The following KAT8 variants were observed in gnomAD, a reference collection of about 807,000 sequenced individuals.
KAT8 encodes the protein lysine acetyltransferase 8.
KAT8 carries 40 observed loss-of-function variants against 62.9 expected under a neutral mutation model. That is an observed-to-expected ratio of 0.64 (90% CI 0.49 to 0.83). KAT8 has a LOEUF of 0.83. Among genes scored for constraint, KAT8 ranks in the 40% least tolerant of loss-of-function variants. The pLI, the probability that KAT8 is intolerant of heterozygous loss-of-function variation, is 0.00. For synonymous variants in KAT8, 278 were observed against 254.5 expected (o/e 1.09, Z -0.88); for missense variants, 387 against 614.8 (o/e 0.63, Z 3.92).
At chr16:31,124,005 C>T (rs2057517107) in intron 3 of KAT8, 1 of 152,224 alleles carries the variant, frequency 6.6e-6, no homozygotes, top group African/African-American at 2.4e-5. Flanking sequence ...TAACAATCAG[C>T]AAGGTTCTTC....
chr16:31,121,778 C>T (rs1016664962), intron 3 of KAT8, among the ~76,000 whole-genome samples: 1 of 150,986 alleles, frequency 6.6e-6, no homozygotes, highest in African/African-American at 2.4e-5. Flanking sequence ...TTTGAGACAG[C>T]GTCTTACTCT....
intron 6 of KAT8, among the ~76,000 whole-genome samples, chr16:31,128,908 T>C (rs1346144654): frequency 6.6e-6 from 1 of 152,212 alleles, no homozygotes; most frequent in African/African-American, 2.4e-5. Flanking sequence ...GTAGAGAACT[T>C]GGCCTTTGCC....
At chr16:31,118,488 C>G (rs2057467839) in intron 1 of KAT8, 2 of 152,344 alleles carry the variant, frequency 1.3e-5, no homozygotes, top group East Asian at 1.9e-4. Flanking sequence ...CTTTTTCTTC[C>G]CTTTCTCCTT....
Position 31,130,251 on chromosome 16 carries a change from C to T in KAT8, c.913-16C>T, listed in dbSNP as rs1467541759. On this transcript the variant is annotated splice_polypyrimidine_tract_variant and intron_variant, in intron 7 of 10. Transcript: ENST00000219797. ...GCAGAGCCTCCCCAGCGGCCCTGAGCACCTGCCTCCTGCAGGAGAAGGAGT... is the reference window on the plus strand; with the variant it reads ...GCAGAGCCTCCCCAGCGGCCCTGAGTACCTGCCTCCTGCAGGAGAAGGAGT... 6.2e-7 allele frequency: 1 copy of T among 1,613,828 alleles called. No homozygotes were observed. The highest frequency in any genetic ancestry group is 1.3e-5 in the African/African-American group (1 of 74,930).
At chr16:31,124,664 C>T (rs1056095802) in intron 3 of KAT8, among the ~76,000 whole-genome samples, 3 of 142,396 alleles carry the variant, frequency 2.1e-5, no homozygotes, top group African/African-American at 7.9e-5. Context: ...ACCCAGGAGG[C>T]GAGGTTGCAG....
intron 5 of KAT8, 42 bp downstream of exon 5, chr16:31,127,395 TGA>T: frequency 6.2e-7 from 1 of 1,606,618 alleles, no homozygotes; most frequent in Non-Finnish European, 8.5e-7. Flanking sequence ...AGGGGCCCGG[TGA>T]GAGGCAGAGG....
rs762744136 is a variant in KAT8, at chr16:31,127,115, A to G, written c.516+27A>G. ...TAAGTGGGGCTGGGAAGCTGCCTGCAGGTCCCCCGTCTCCCCTTGCCGAGG... is the reference window on the plus strand; with the variant it reads ...TAAGTGGGGCTGGGAAGCTGCCTGCGGGTCCCCCGTCTCCCCTTGCCGAGG... On this transcript the variant is annotated intron_variant, in intron 4 of 10. Transcript: ENST00000219797. 3.7e-6 allele frequency: 6 copies of G among 1,614,028 alleles called. No individual in the cohort carries two copies. The South Asian group carries it at 6.6e-5, about 18-fold the overall frequency.
At chr16:31,122,082 G>A (rs750622890) in intron 3 of KAT8, among the ~76,000 whole-genome samples, 1 of 152,176 alleles carries the variant, frequency 6.6e-6, no homozygotes, top group Non-Finnish European at 1.5e-5. Flanking sequence ...TAAAAATCAG[G>A]AGTGCACACC....
chr16:31,123,331 C>T (rs1192389053), intron 3 of KAT8, among the ~76,000 whole-genome samples: 1 of 152,058 alleles, frequency 6.6e-6, no homozygotes, highest in South Asian at 2.1e-4. Context: ...AGTTTCCTGC[C>T]GCAGCCTCCC....
intron 1 of KAT8, chr16:31,118,677 A>C (rs1182113952): frequency 6.6e-6 from 1 of 151,808 alleles, no homozygotes; most frequent in African/African-American, 2.4e-5. Flanking sequence ...GTCTTCCTCC[A>C]TCATACTGGG....
In KAT8 at chr16:31,122,759, T is replaced by C. The variant is rs547115745; in HGVS notation, c.462+2245T>C. ...AGCCGGGCGTGGTGGCGTGCACCTGTAGTCCCAGCTACTCGGGAGGCTGAG... is the reference window on the plus strand; with the variant it reads ...AGCCGGGCGTGGTGGCGTGCACCTGCAGTCCCAGCTACTCGGGAGGCTGAG... On this transcript the variant is annotated intron_variant, in intron 3 of 10. Transcript: ENST00000219797. Among the ~76,000 whole-genome samples, 124 of 151,852 alleles carry C rather than the reference T, an allele frequency of 8.2e-4. 1 individual carries two copies. The highest frequency in any genetic ancestry group is 3.3e-3 in the Admixed American group (50 of 15,216).
chr16:31,129,529 C>G (rs2057556779), intron 6 of KAT8, among the ~76,000 whole-genome samples: 1 of 152,142 alleles, frequency 6.6e-6, no homozygotes, highest in Non-Finnish European at 1.5e-5. Flanking sequence ...TGCCGTGAAG[C>G]CAAACTCGGT....
intron 3 of KAT8, among the ~76,000 whole-genome samples, chr16:31,123,147 C>T (rs775029298): frequency 8.5e-5 from 13 of 152,122 alleles, no homozygotes; most frequent in Non-Finnish European, 1.8e-4. Context: ...CATGCCACTG[C>T]ACTCCATCCA....
At chr16:31,124,266 C>T (rs180999850) in intron 3 of KAT8, among the ~76,000 whole-genome samples, 235 of 152,342 alleles carry the variant, frequency 1.5e-3, no homozygotes, top group Non-Finnish European at 1.9e-3. Flanking sequence ...CAAGTGACCT[C>T]ACCTCTTTGT....
intron 1 of KAT8, chr16:31,118,266 A>C (rs146343191): frequency 1.0e-3 from 197 of 189,530 alleles, no homozygotes; most frequent in Non-Finnish European, 1.9e-3. Context: ...CCGCAGAGAG[A>C]AGACCTTCCA....
rs1161031429 is a variant in KAT8 at position 31,117,708 on chromosome 16, G to C, written c.27G>C (p.Ala9=). Residue 9 remains alanine, a synonymous_variant, in exon 1 of 11, where the codon GCG becomes GCC. Coordinates refer to ENST00000219797, the MANE Select transcript of KAT8 (RefSeq NM_032188.3). MAAQGAAA[A]VAAGTSGVAG... is the part of the protein sequence containing the mutation. Reference sequence around the variant, plus strand: ...TGGCGGCACAGGGAGCTGCTGCGGCGGTTGCGGCGGGGACTTCAGGGGTCG... The same window carrying C: ...TGGCGGCACAGGGAGCTGCTGCGGCCGTTGCGGCGGGGACTTCAGGGGTCG... 7.2e-7 allele frequency: 1 copy of C among 1,397,416 alleles called. No individual in the cohort carries two copies. Among genetic ancestry groups the C allele is most frequent in the Non-Finnish European group, 9.3e-7 (1 of 1,070,594 alleles). 86.6% of individuals were successfully genotyped at this position (1,397,416 alleles called of 1,614,324 possible).
In KAT8 at chr16:31,130,749, G is replaced by C; in HGVS notation, c.1161G>C (p.Gln387His). 4.3e-6 allele frequency: 7 copies of C among 1,613,844 alleles called. No homozygotes were observed. The highest frequency in any genetic ancestry group is 5.9e-6 in the Non-Finnish European group (7 of 1,179,924). The part of the protein sequence containing the change: ...RGTLSIKDLS[Q>H]MTSITQNDII... ...TTGCTCTCATCCCTTTTTGCAGCCA[G>C]ATGACCAGTATCACCCAAAATGACA... is the stretch of plus-strand genomic sequence containing the variant. Residue 387 changes from glutamine to histidine, a missense_variant, in exon 10 of 11, where the codon CAG (glutamine) becomes CAC (histidine). Coordinates refer to ENST00000219797, the MANE Select transcript of KAT8 (RefSeq NM_032188.3).
chr16:31,124,731 CAAAAAA>C (rs551229166), intron 3 of KAT8, among the ~76,000 whole-genome samples: 1 of 61,076 alleles, frequency 1.6e-5, no homozygotes, highest in African/African-American at 6.8e-5. Context: ...GGCTCCATTT[CAAAAAA>C]AAAAAAAAAA....
At position 31,117,735 on chromosome 16, in the gene KAT8, G is replaced by C; in HGVS notation, c.54G>C (p.Ala18=). The change falls in exon 1 of 11, where the codon GCG becomes GCC. Residue 18 remains alanine, a synonymous_variant. Transcript: ENST00000219797. ...AAVAAGTSGV[A]GEGEPGPGEN... ...TTGCGGCGGGGACTTCAGGGGTCGC[G>C]GGGGAGGGCGAGCCCGGGCCCGGGG... is the stretch of plus-strand genomic sequence containing the variant. The C allele has an allele frequency of 7.3e-7, 1 of 1,373,552 alleles. No homozygotes were observed. Among genetic ancestry groups the C allele is most frequent in the East Asian group, 3.1e-5 (1 of 32,456 alleles). The allele number at this position is 1,373,552 out of a possible 1,614,324, so 85.1% of individuals were successfully genotyped here.
Sources: allele counts gnomAD v4.1 joint callset (sites outside exome capture counted in the v4.1 genomes callset), GRCh38; gene constraint gnomAD v4.1.1; transcripts MANE v1.5; gene names NCBI Gene and HGNC (gene_info 2026-07-23, HGNC 2026-07-21).